FARS2: variants seen among roughly 807,000 people sequenced by gnomAD.
The protein encoded by FARS2 is phenylalanine--tRNA ligase, mitochondrial.
FARS2 carries 40 observed loss-of-function variants against 46.4 expected under a neutral mutation model. The ratio of observed to expected loss-of-function variants is 0.86; its 90% CI spans 0.67 to 1.12. The LOEUF (loss-of-function observed/expected upper bound fraction) is 1.12, where lower values mean the gene tolerates loss of function less well. FARS2 is among the 50% of genes most tolerant of loss of function. The pLI, the probability that FARS2 is intolerant of heterozygous loss-of-function variation, is 0.00. For missense variants in FARS2, 513 were observed against 567.9 expected, an observed-to-expected ratio of 0.90 and a Z score of 0.98; for synonymous variants, 234 against 214.9, an observed-to-expected ratio of 1.09 and a Z score of -0.78.
chr6:5,418,874 TTTATTA>T (rs111451171), intron 3 of FARS2, among the ~76,000 whole-genome samples: 23 of 150,062 alleles, frequency 1.5e-4, no homozygotes, highest in Non-Finnish European at 2.7e-4. Flanking sequence ...TATTTGTCTT[TTTATTA>T]TTATTATTAT....
intron 5 of FARS2, among the ~76,000 whole-genome samples, chr6:5,556,472 G>A (rs1582439103): frequency 1.3e-5 from 2 of 151,930 alleles, no homozygotes; most frequent in East Asian, 3.9e-4. Context: ...CACTGATACT[G>A]TATAACTTTA....
intron 6 of FARS2, among the ~76,000 whole-genome samples, chr6:5,702,508 G>T (rs1310665389): frequency 6.6e-6 from 1 of 152,040 alleles, no homozygotes. Context: ...TTTTCTAATG[G>T]GTTGTAATCC....
chr6:5,272,702 G>C (rs1055051802), intron 1 of FARS2, among the ~76,000 whole-genome samples: 2 of 151,954 alleles, frequency 1.3e-5, no homozygotes, highest in Admixed American at 6.6e-5. Context: ...TGAAATATGC[G>C]ATAGATTATT....
chr6:5,565,233 T>C (rs1055491704), intron 5 of FARS2, among the ~76,000 whole-genome samples: 6 of 152,178 alleles, frequency 3.9e-5, no homozygotes, highest in Non-Finnish European at 8.8e-5. Context: ...ATGCTGAAAA[T>C]CAAAACAAGG....
chr6:5,341,034 G>T (rs1222883946), intron 1 of FARS2, among the ~76,000 whole-genome samples: 1 of 150,692 alleles, frequency 6.6e-6, no homozygotes, highest in Non-Finnish European at 1.5e-5. Flanking sequence ...TGTAATCCCA[G>T]CTACTCAGGA....
Position 5,308,389 on chromosome 6 carries a change from T to C in FARS2, c.-22+46729T>C, listed in dbSNP as rs377714569. Reference sequence around the variant, plus strand: ...GAAAGGCAAGAGAGGAAGCAGCAACTCCCGATGGATGCCTCCTGGGGAAGC... The same window carrying C: ...GAAAGGCAAGAGAGGAAGCAGCAACCCCCGATGGATGCCTCCTGGGGAAGC... On this transcript the variant is annotated intron_variant, in intron 1 of 6. Coordinates refer to ENST00000274680, the MANE Select transcript of FARS2 (RefSeq NM_006567.5). Among the ~76,000 whole-genome samples, 172 of 152,322 alleles carry C rather than the reference T, an allele frequency of 1.1e-3. 3 individuals carry two copies. The South Asian group carries it at 0.035, about 31-fold the overall frequency.
At chr6:5,482,279 A>T (rs1191788493) in intron 4 of FARS2, among the ~76,000 whole-genome samples, 1 of 152,138 alleles carries the variant, frequency 6.6e-6, no homozygotes, top group Non-Finnish European at 1.5e-5. Flanking sequence ...TTATTTTGGC[A>T]GAATTATTTT....
intron 4 of FARS2, among the ~76,000 whole-genome samples, chr6:5,445,825 C>T (rs900213904): frequency 6.6e-6 from 1 of 152,202 alleles, no homozygotes; most frequent in Non-Finnish European, 1.5e-5. Context: ...CATCCATTGG[C>T]TGCTGGGATT....
At chr6:5,304,951 C>T (rs1024139046) in intron 1 of FARS2, among the ~76,000 whole-genome samples, 8 of 152,070 alleles carry the variant, frequency 5.3e-5, no homozygotes, top group Admixed American at 1.3e-4. Flanking sequence ...GATTTGGAGG[C>T]GAAGGTGGAA....
intron 5 of FARS2, among the ~76,000 whole-genome samples, chr6:5,588,830 C>A (rs866625155): frequency 3.3e-5 from 5 of 152,308 alleles, no homozygotes; most frequent in Middle Eastern, 3.4e-3. Flanking sequence ...GGCATTACAG[C>A]CTTCAGTTCT....
At chr6:5,545,587 G>T (rs906178757) in intron 5 of FARS2, among the ~76,000 whole-genome samples, 11 of 152,018 alleles carry the variant, frequency 7.2e-5, no homozygotes, top group African/African-American at 2.7e-4. Flanking sequence ...TTAGGTATTT[G>T]TCCTAATGCT....
intron 4 of FARS2, among the ~76,000 whole-genome samples, chr6:5,482,332 G>T (rs545497588): frequency 1.3e-5 from 2 of 152,068 alleles, no homozygotes; most frequent in Non-Finnish European, 2.9e-5. Context: ...TCTCTGATTT[G>T]ATGCAATATG....
chr6:5,498,464 G>A (rs865918488), intron 4 of FARS2, among the ~76,000 whole-genome samples: 11 of 152,064 alleles, frequency 7.2e-5, no homozygotes, highest in South Asian at 6.2e-4. Context: ...ATCATAAAAC[G>A]TAAGTGTTTC....
intron 5 of FARS2, among the ~76,000 whole-genome samples, chr6:5,546,525 C>T (rs986467394): frequency 6.6e-6 from 1 of 151,804 alleles, no homozygotes; most frequent in African/African-American, 2.4e-5. Flanking sequence ...GCTGGGATTA[C>T]AGGAGTGAGC....
intron 1 of FARS2, among the ~76,000 whole-genome samples, chr6:5,365,544 G>T (rs1422559881): frequency 2.8e-5 from 4 of 142,140 alleles, no homozygotes; most frequent in East Asian, 4.1e-4. Context: ...TAGAGATAGG[G>T]TCTTGTCATG....
intron 5 of FARS2, among the ~76,000 whole-genome samples, chr6:5,557,899 T>A (rs1341351885): frequency 6.6e-6 from 1 of 152,108 alleles, no homozygotes; most frequent in African/African-American, 2.4e-5. Flanking sequence ...CGGTTTGAAA[T>A]TGAGTATAGA....
chr6:5,646,658 T>TA (rs1218803009), intron 6 of FARS2, among the ~76,000 whole-genome samples: 3 of 152,210 alleles, frequency 2.0e-5, no homozygotes, highest in African/African-American at 7.2e-5. Context: ...GTCCCTGATA[T>TA]AAAATGGCAT....
At chr6:5,763,120 C>T (rs1218935141) in intron 6 of FARS2, among the ~76,000 whole-genome samples, 4 of 152,254 alleles carry the variant, frequency 2.6e-5, no homozygotes, top group African/African-American at 9.6e-5. Context: ...CCACGCTGCA[C>T]TTTGCCCTCA....
intron 6 of FARS2, among the ~76,000 whole-genome samples, chr6:5,752,855 C>G (rs1762022822): frequency 6.6e-6 from 1 of 151,964 alleles, no homozygotes; most frequent in South Asian, 2.1e-4. Flanking sequence ...CCTGACACCC[C>G]ACGCCTTGCC....
Sources: gnomAD v4.1 joint callset for allele counts (sites outside exome capture counted in the v4.1 genomes callset) on GRCh38, gnomAD v4.1.1 for gene constraint, MANE v1.5 for transcripts, NCBI Gene and HGNC (gene_info 2026-07-23, HGNC 2026-07-21) for gene names.